Variants in ARAP2 observed in about 807,000 individuals in gnomAD.
ARAP2 encodes the protein ArfGAP with RhoGAP domain, ankyrin repeat and PH domain 2.
In ARAP2, 148 loss-of-function variants were observed where a neutral mutation model predicts 194.5. The ratio of observed to expected loss-of-function variants is 0.76; its 90% CI spans 0.67 to 0.87. The LOEUF is 0.87. ARAP2 is among the 40% of genes least tolerant of loss of function. The probability of loss-of-function intolerance (pLI) is 0.00; values close to 1 mark genes in which losing one functional copy is unlikely to be tolerated. For synonymous variants in ARAP2, 695 were observed against 683.5 expected (o/e 1.02, Z -0.26); for missense variants, 2,128 against 1,989.7 (o/e 1.07, Z -1.32).
chr4:36,139,741 T>C (rs915158913), intron 19 of ARAP2, among the ~76,000 whole-genome samples: 14 of 151,798 alleles, frequency 9.2e-5, no homozygotes, highest in African/African-American at 3.4e-4. Context: ...GTTATGATTG[T>C]ATTATCATTG....
At chr4:36,081,214 G>C (rs890642476) in intron 30 of ARAP2, among the ~76,000 whole-genome samples, 1 of 152,042 alleles carries the variant, frequency 6.6e-6, no homozygotes, top group Non-Finnish European at 1.5e-5. Context: ...ATAAAATACT[G>C]TAGGTGCAAA....
chr4:36,072,104 T>C lies in ARAP2; in HGVS notation c.4743+1585A>G, dbSNP rs563046337. Among the ~76,000 whole-genome samples, 284 of 151,938 alleles carry C rather than the reference T, an allele frequency of 1.9e-3. 1 individual carries two copies. Among genetic ancestry groups the C allele is most frequent in the African/African-American group, 6.5e-3 (272 of 41,544 alleles). ...CAGATATTTTCATGGTTTATATGAA[T>C]TTTTTTAAAAAAATTTCTATTATTG... On this transcript the variant is annotated intron_variant, in intron 32 of 32. Coordinates refer to ENST00000303965, the MANE Select transcript of ARAP2 (RefSeq NM_015230.4).
At chr4:36,070,402 C>G (rs961046719) in intron 32 of ARAP2, among the ~76,000 whole-genome samples, 4 of 152,298 alleles carry the variant, frequency 2.6e-5, no homozygotes, top group African/African-American at 9.6e-5. Context: ...GAGATAAAGT[C>G]TGAAAGTGGA....
intron 2 of ARAP2, among the ~76,000 whole-genome samples, chr4:36,222,477 T>C (rs1038185803): frequency 2.0e-5 from 3 of 151,894 alleles, no homozygotes; most frequent in African/African-American, 7.2e-5. Flanking sequence ...AAAATATATA[T>C]ATTAATGTGG....
chr4:36,210,508 T>G lies in ARAP2; in HGVS notation c.1369A>C (p.Ser457Arg), dbSNP rs1245577142. The G allele has an allele frequency of 6.2e-7, 1 of 1,613,730 alleles. No homozygotes were observed. Among genetic ancestry groups the G allele is most frequent in the African/African-American group, 1.3e-5 (1 of 74,918 alleles). Residue 457 changes from serine to arginine, a missense_variant, in exon 6 of 33, where the codon AGT becomes CGT. Ser to Arg is a moderately radical substitution (Grantham distance 110). Coordinates refer to ENST00000303965, the MANE Select transcript of ARAP2 (RefSeq NM_015230.4). The stretch of plus-strand genomic sequence containing the variant: ...ACGGCTGATGAATCAGCATTTCCAC[T>G]TGTTGAGCTTAACGGATAACTGTGC... ...NRHSYPLSST[S>R]GNADSSAVSS...
At chr4:36,240,200 C>T (rs771429934) in intron 1 of ARAP2, among the ~76,000 whole-genome samples, 5 of 152,120 alleles carry the variant, frequency 3.3e-5, no homozygotes, top group African/African-American at 4.8e-5. Context: ...GCACCATAAA[C>T]GTTGGCTAAT....
Position 36,213,146 on chromosome 4 carries a change from C to T in ARAP2, c.1041+97G>A, listed in dbSNP as rs575043745. 30 of 940,052 alleles carry T rather than the reference C, an allele frequency of 3.2e-5. No individual in the cohort carries two copies. In the Middle Eastern group the frequency reaches 6.9e-4, roughly 22 times the overall value. The allele number at this position is 940,052 out of a possible 1,614,324, so 58.2% of individuals were successfully genotyped here. ...GGAAATTTCAATCTTCAATATAATG[C>T]CATTCTTCAAATAGCTTGGAGAAAA... is the stretch of plus-strand genomic sequence containing the variant. On this transcript the variant is annotated intron_variant, in intron 4 of 32. Transcript: ENST00000303965.
chr4:36,008,478 T>C (rs1230565524), intron 9 of ARAP2, among the ~76,000 whole-genome samples: 1 of 152,124 alleles, frequency 6.6e-6, no homozygotes. Context: ...CTGGGATAGC[T>C]AGCATGTCTA....
chr4:36,176,261 T>C (rs1160220902), intron 9 of ARAP2, among the ~76,000 whole-genome samples: 3 of 152,190 alleles, frequency 2.0e-5, no homozygotes, highest in African/African-American at 7.2e-5. Flanking sequence ...GTCTTCCTCC[T>C]ATATTTGTGG....
chr4:36,192,099 T>A (rs1355638887), intron 7 of ARAP2, among the ~76,000 whole-genome samples: 1 of 150,462 alleles, frequency 6.6e-6, no homozygotes, highest in African/African-American at 2.5e-5. Context: ...CACCTATGCA[T>A]CCCTTTTGCT....
rs1387868151 is a variant in ARAP2, at chr4:36,154,009, A to G, written c.2753-2965T>C. On this transcript the variant is annotated intron_variant, in intron 15 of 32. Coordinates refer to ENST00000303965, the MANE Select transcript of ARAP2 (RefSeq NM_015230.4). ...AGAGCTGGGGAAGGAACTCCATGCA[A>G]TTGGGTTCTGAAAGTTGCTGCTTTA... is the stretch of plus-strand genomic sequence containing the variant. 2.0e-5 allele frequency among the ~76,000 whole-genome samples: 3 copies of G among 152,124 alleles called. No homozygotes were observed. The East Asian group carries it at 5.8e-4, about 29-fold the overall frequency.
intron 1 of ARAP2, among the ~76,000 whole-genome samples, chr4:36,242,199 A>C (rs1006076184): frequency 6.6e-6 from 1 of 152,222 alleles, no homozygotes; most frequent in Non-Finnish European, 1.5e-5. Flanking sequence ...ATATGTGGTC[A>C]AAGCTAAGAC....
rs1211708978 is a variant in ARAP2 at position 36,118,137 on chromosome 4, C to G, written c.3964-1002G>C. 2.0e-5 allele frequency among the ~76,000 whole-genome samples: 3 copies of G among 151,216 alleles called. No individual in the cohort carries two copies. In the East Asian group the frequency reaches 5.8e-4, roughly 29 times the overall value. On this transcript the variant is annotated intron_variant, in intron 24 of 32. Transcript: ENST00000303965. ...AAGTTCCTTAATTTTTCTGGCATTA[C>G]AGGCTTAGAAAAGCTTATTTCCAGT...
chr4:36,030,804 T>G (rs1210374882), intron 5 of ARAP2, among the ~76,000 whole-genome samples: 8 of 150,842 alleles, frequency 5.3e-5, no homozygotes, highest in African/African-American at 1.9e-4. Context: ...TACGTTTTTT[T>G]TTTTTTTTTT....
chr4:36,097,447 C>G (rs1715613510), intron 27 of ARAP2, among the ~76,000 whole-genome samples: 1 of 152,232 alleles, frequency 6.6e-6, no homozygotes, highest in East Asian at 1.9e-4. Context: ...TTGGGGTACA[C>G]TGTGTGTAAC....
chr4:36,155,694 C>T (rs1029556197), intron 15 of ARAP2, among the ~76,000 whole-genome samples: 1 of 150,604 alleles, frequency 6.6e-6, no homozygotes, highest in Admixed American at 6.6e-5. Flanking sequence ...CCGAGTCTCG[C>T]TGTGTCTCCC....
At chr4:36,151,612 T>G (rs1730989108) in intron 15 of ARAP2, among the ~76,000 whole-genome samples, 1 of 152,174 alleles carries the variant, frequency 6.6e-6, no homozygotes, top group South Asian at 2.1e-4. Flanking sequence ...GTCTATATAT[T>G]AGATAATTTC....
intron 6 of ARAP2, among the ~76,000 whole-genome samples, chr4:36,194,072 A>C (rs546235435): frequency 6.6e-6 from 1 of 152,346 alleles, no homozygotes; most frequent in Admixed American, 6.5e-5. Flanking sequence ...CTAAAATAAC[A>C]AGGCTTTGTC....
chr4:36,169,800 G>A (rs940129312), intron 9 of ARAP2, among the ~76,000 whole-genome samples: 1 of 152,196 alleles, frequency 6.6e-6, no homozygotes, highest in Non-Finnish European at 1.5e-5. Flanking sequence ...CCAAAGTGCT[G>A]GGATTGCAGG....
Sources: allele counts gnomAD v4.1 joint callset (sites outside exome capture counted in the v4.1 genomes callset), GRCh38; gene constraint gnomAD v4.1.1; transcripts MANE v1.5; gene names NCBI Gene and HGNC (gene_info 2026-07-23, HGNC 2026-07-21).